The following IZUMO2 variants were observed in gnomAD, a reference collection of about 807,000 sequenced individuals.
IZUMO2 encodes the protein IZUMO family member 2.
IZUMO2 carries 24 observed loss-of-function variants against 31.2 expected under a neutral mutation model. The observed-to-expected ratio is 0.77, with a 90% CI of 0.56 to 1.08. The LOEUF (loss-of-function observed/expected upper bound fraction) is 1.08. Among genes scored for constraint, IZUMO2 ranks in the 50% least tolerant of loss-of-function variants. IZUMO2 has a pLI of 0.00. For missense variants in IZUMO2, 278 were observed against 274.0 expected (o/e 1.01, Z -0.10); for synonymous variants, 144 against 117.3 (o/e 1.23, Z -1.47).
chr19:50,162,793 C>T lies in IZUMO2; in HGVS notation c.253G>A (p.Val85Met). 2 of 1,613,930 alleles carry T rather than the reference C, an allele frequency of 1.2e-6. No individual in the cohort carries two copies. Among genetic ancestry groups the T allele is most frequent in the Non-Finnish European group, 1.7e-6 (2 of 1,180,014 alleles). The change falls in exon 2 of 7, where the codon GTG becomes ATG. Residue 85 changes from valine to methionine, a missense_variant. Val to Met is a conservative substitution (Grantham distance 21). Transcript: ENST00000293405. ...GKVETNQLDL[V>M]ASFVKNQTQH... ...GTTTGGTTCTTGACAAAGGACGCCA[C>T]AAGGTCCAGTTGATTTGTCTCTGGG...
chr19:50,156,297 T>G (rs2030210219), intron 5 of IZUMO2, among the ~76,000 whole-genome samples: 1 of 152,088 alleles, frequency 6.6e-6, no homozygotes, highest in Non-Finnish European at 1.5e-5. Flanking sequence ...AAGCTAGGGA[T>G]GTTGCTAAAC....
chr19:50,155,389 C>T (rs1302871093), intron 5 of IZUMO2, among the ~76,000 whole-genome samples: 1 of 152,164 alleles, frequency 6.6e-6, no homozygotes, highest in Non-Finnish European at 1.5e-5. Flanking sequence ...CGGAGCAAGA[C>T]CCTGTCTCAG....
chr19:50,156,845 G>T (rs1020448669), intron 5 of IZUMO2, among the ~76,000 whole-genome samples: 8 of 152,130 alleles, frequency 5.3e-5, no homozygotes, highest in African/African-American at 1.9e-4. Context: ...GATATAAGAA[G>T]TCCTTTCATT....
At chr19:50,159,990 G>A (rs2030343313) in intron 2 of IZUMO2, 1 of 155,618 alleles carries the variant, frequency 6.4e-6, no homozygotes, top group Non-Finnish European at 1.4e-5. Flanking sequence ...TGGGATTACG[G>A]GCACGTGCCA....
rs2030066930 is a variant in IZUMO2 at position 50,152,664 on chromosome 19, A to G, written c.624-13T>C. 5 of 1,608,176 alleles carry G rather than the reference A, an allele frequency of 3.1e-6. No homozygotes were observed. The highest frequency in any genetic ancestry group is 4.3e-6 in the Non-Finnish European group (5 of 1,174,706). ...GTATGTACAAGCCCTGGTCAGAGAG[A>G]AAAAGCCTGTAGATTAGAATGAGAA... is the stretch of plus-strand genomic sequence containing the variant. On this transcript the variant is annotated splice_polypyrimidine_tract_variant and intron_variant, in intron 6 of 6. Transcript: ENST00000293405.
intron 2 of IZUMO2, among the ~76,000 whole-genome samples, chr19:50,162,056 G>A (rs1173519641): frequency 6.6e-6 from 1 of 151,504 alleles, no homozygotes; most frequent in Admixed American, 6.6e-5. Context: ...GCCTAGGCGG[G>A]CAGATCACTT....
intron 1 of IZUMO2, 56 bp downstream of exon 1, chr19:50,162,907 C>A: frequency 6.2e-7 from 1 of 1,606,094 alleles, no homozygotes; most frequent in Admixed American, 1.7e-5. Flanking sequence ...CTCTTGGGGG[C>A]GTGGTCTCCG....
intron 2 of IZUMO2, among the ~76,000 whole-genome samples, chr19:50,161,919 A>G (rs1393616660): frequency 1.3e-5 from 2 of 152,140 alleles, no homozygotes; most frequent in Non-Finnish European, 1.5e-5. Context: ...CTCCCCCCCA[A>G]AAAAATTTGG....
At chr19:50,155,460 AAC>A (rs1485581559) in intron 5 of IZUMO2, among the ~76,000 whole-genome samples, 1 of 152,224 alleles carries the variant, frequency 6.6e-6, no homozygotes, top group Admixed American at 6.5e-5. Context: ...GCAAAATGCG[AAC>A]AGTTTCACAA....
intron 5 of IZUMO2, among the ~76,000 whole-genome samples, chr19:50,156,123 T>C (rs1568437485): frequency 6.6e-6 from 1 of 152,104 alleles, no homozygotes; most frequent in African/African-American, 2.4e-5. Context: ...TAGAACACCA[T>C]TGCCATCTGG....
intron 5 of IZUMO2, among the ~76,000 whole-genome samples, chr19:50,156,338 C>A (rs1338788529): frequency 6.6e-6 from 1 of 152,078 alleles, no homozygotes; most frequent in Non-Finnish European, 1.5e-5. Flanking sequence ...GCCTCCCTAA[C>A]AAAGAATGAT....
rs1397045584 is a variant in IZUMO2 at position 50,163,177 on chromosome 19, G to A, written c.18C>T (p.Thr6=). The A allele has an allele frequency of 1.9e-6, 3 of 1,553,042 alleles. No homozygotes were observed. The highest frequency in any genetic ancestry group is 1.4e-5 in the African/African-American group (1 of 73,156). The change falls in exon 1 of 7, where the codon ACC becomes ACT. Residue 6 remains threonine (T), a synonymous_variant. Coordinates refer to ENST00000293405, the MANE Select transcript of IZUMO2 (RefSeq NM_152358.3). MPLAL[T]LLLLSGLGAP... Reference sequence around the variant, plus strand: ...CGCCCAAGCCCGAGAGCAGCAGAAGGGTCAAAGCCAGAGGCATGGCGGGGC... The same window carrying A: ...CGCCCAAGCCCGAGAGCAGCAGAAGAGTCAAAGCCAGAGGCATGGCGGGGC...
chr19:50,154,824 TG>T, intron 5 of IZUMO2, 98 bp from the exon 6 acceptor site: 3 of 1,388,494 alleles, frequency 2.2e-6, no homozygotes, highest in Non-Finnish European at 3.0e-6. Flanking sequence ...GGGGCAGGGG[TG>T]GGGGTGGGGC....
At chr19:50,157,174 G>A (rs1346722194) in intron 5 of IZUMO2, among the ~76,000 whole-genome samples, 2 of 152,156 alleles carry the variant, frequency 1.3e-5, no homozygotes, top group Non-Finnish European at 2.9e-5. Context: ...GCCTGTCTGA[G>A]GAAGTGACCT....
At chr19:50,153,412 C>T (rs1361249340) in intron 6 of IZUMO2, among the ~76,000 whole-genome samples, 1 of 152,156 alleles carries the variant, frequency 6.6e-6, no homozygotes, top group Non-Finnish European at 1.5e-5. Context: ...CACAGGGAGA[C>T]AGAGAAATGA....
At chr19:50,154,124 T>TAAAGA (rs1443553918) in intron 6 of IZUMO2, among the ~76,000 whole-genome samples, 3 of 151,270 alleles carry the variant, frequency 2.0e-5, no homozygotes, top group Non-Finnish European at 4.4e-5. Flanking sequence ...TGGAAATGTT[T>TAAAGA]TCACTGTAGT....
intron 4 of IZUMO2, 134 bp downstream of exon 4, chr19:50,159,096 C>T (rs1405019383): frequency 1.2e-6 from 1 of 829,736 alleles, no homozygotes; most frequent in Non-Finnish European, 2.0e-6. Context: ...AAGCAAATCT[C>T]CCTAGGTACC....
chr19:50,154,161 T>C (rs868344335), intron 6 of IZUMO2, among the ~76,000 whole-genome samples: 1 of 149,758 alleles, frequency 6.7e-6, no homozygotes, highest in Middle Eastern at 3.4e-3. Flanking sequence ...AGAAGATAAA[T>C]GAATATAACA....
At chr19:50,159,429 G>T in intron 3 of IZUMO2, 65 bp downstream of exon 3, 1 of 1,312,430 alleles carries the variant, frequency 7.6e-7, no homozygotes. Flanking sequence ...GAGAAAAAGT[G>T]GTAAAAGGGG....
Sources: allele counts gnomAD v4.1 joint callset (sites outside exome capture counted in the v4.1 genomes callset), GRCh38; gene constraint gnomAD v4.1.1; transcripts MANE v1.5; gene names NCBI Gene and HGNC (gene_info 2026-07-23, HGNC 2026-07-21).